ARLN: variants seen among roughly 807,000 people sequenced by gnomAD.
ARLN encodes the protein sarcoplasmic/endoplasmic reticulum calcium ATPase regulator ARLN.
At chr4:119,303,079 A>C in the ARLN span, among the ~76,000 whole-genome samples, 2 of 152,048 alleles carry the variant, frequency 1.3e-5, no homozygotes, top group Non-Finnish European at 2.9e-5. Context: ...GTTTATCTTA[A>C]ATTATTCTTT....
the ARLN span, chr4:119,300,451 C>T: frequency 6.2e-7 from 1 of 1,614,158 alleles, no homozygotes; most frequent in Non-Finnish European, 8.5e-7. Context: ...GGCCTCACAT[C>T]GAAGTTCTGC....
At chr4:119,297,470 A>T in the ARLN span, 2 of 152,240 alleles carry the variant, frequency 1.3e-5, no homozygotes, top group Non-Finnish European at 2.9e-5. Flanking sequence ...TTTTTGAGAC[A>T]GGGTCTCTGT....
the ARLN span, chr4:119,300,245 ACTCTCTGGAATTCAGTC>A: frequency 9.5e-7 from 1 of 1,048,878 alleles, no homozygotes; most frequent in South Asian, 1.5e-5. Flanking sequence ...ACATATATAA[ACTCTCTGGAATTCAGTC>A]CCCTCCCCGC....
the ARLN span, chr4:119,298,016 A>G: frequency 6.6e-6 from 1 of 152,500 alleles, no homozygotes; most frequent in African/African-American, 2.4e-5. Context: ...GTATTTAAGC[A>G]AGTTACAGAT....
chr4:119,301,265 A>T, the ARLN span, among the ~76,000 whole-genome samples: 5 of 119,762 alleles, frequency 4.2e-5, no homozygotes, highest in South Asian at 1.1e-3. Context: ...AAAAAAAAAA[A>T]ATCCAAAAAT....
At chr4:119,302,683 C>T in the ARLN span, among the ~76,000 whole-genome samples, 2 of 152,194 alleles carry the variant, frequency 1.3e-5, no homozygotes, top group African/African-American at 2.4e-5. Context: ...AAATATGCAC[C>T]AGGGACTACA....
the ARLN span, chr4:119,300,679 C>T: frequency 3.2e-6 from 5 of 1,539,944 alleles, no homozygotes; most frequent in Admixed American, 2.0e-5. Flanking sequence ...CACTCTGAAC[C>T]TACTCTTCCC....
At chr4:119,299,069 CA>C in the ARLN span, among the ~76,000 whole-genome samples, 7 of 152,102 alleles carry the variant, frequency 4.6e-5, no homozygotes, top group African/African-American at 1.7e-4. Flanking sequence ...GCCATCCTCC[CA>C]TTAATCCCTC....
the ARLN span, chr4:119,304,149 A>T: frequency 2.6e-6 from 2 of 757,678 alleles, no homozygotes; most frequent in Middle Eastern, 3.8e-4. Flanking sequence ...TCCAAATCCT[A>T]CTCATCCTTC....
At chr4:119,303,597 C>G in the ARLN span, among the ~76,000 whole-genome samples, 1 of 152,124 alleles carries the variant, frequency 6.6e-6, no homozygotes. Context: ...AAGAGTTGTA[C>G]TATCTGCTGG....
chr4:119,300,444 C>T, the ARLN span: 3 of 1,614,138 alleles, frequency 1.9e-6, no homozygotes, highest in Non-Finnish European at 1.7e-6. Flanking sequence ...AGACTGAGGC[C>T]TCACATCGAA....
chr4:119,300,671 C>T, the ARLN span: 1 of 1,547,252 alleles, frequency 6.5e-7, no homozygotes, highest in Non-Finnish European at 8.7e-7. Context: ...CCGGAATGCA[C>T]TCTGAACCTA....
chr4:119,303,299 T>C, the ARLN span, among the ~76,000 whole-genome samples: 1 of 151,078 alleles, frequency 6.6e-6, no homozygotes, highest in Non-Finnish European at 1.5e-5. Context: ...AATGGTGCGA[T>C]CTTGGCTCAC....
the ARLN span, among the ~76,000 whole-genome samples, chr4:119,301,142 C>T: frequency 6.6e-6 from 1 of 151,388 alleles, no homozygotes; most frequent in Admixed American, 6.6e-5. Flanking sequence ...GGCCGCGCCC[C>T]CCTGTAATCC....
the ARLN span, chr4:119,300,687 C>CA: frequency 3.9e-6 from 6 of 1,535,204 alleles, no homozygotes; most frequent in African/African-American, 8.2e-5. Flanking sequence ...ACCTACTCTT[C>CA]CCAGCGCGCA....
the ARLN span, chr4:119,300,730 A>G: frequency 1.3e-6 from 2 of 1,517,534 alleles, no homozygotes; most frequent in Non-Finnish European, 1.8e-6. Flanking sequence ...TGCCTCCGTG[A>G]CCGCTGGCAT....
the ARLN span, chr4:119,300,851 C>G: frequency 1.4e-6 from 2 of 1,425,856 alleles, no homozygotes; most frequent in Non-Finnish European, 1.8e-6. Flanking sequence ...AATACGTTCT[C>G]GTCCCCCTGA....
chr4:119,298,259 A>C, the ARLN span: 3 of 152,240 alleles, frequency 2.0e-5, no homozygotes, highest in African/African-American at 7.2e-5. Context: ...TTTTCATAAC[A>C]GAGTCCAACT....
At chr4:119,298,586 TA>T in the ARLN span, 2 of 466,278 alleles carry the variant, frequency 4.3e-6, no homozygotes, top group South Asian at 5.0e-5. Flanking sequence ...AGAACTTAGC[TA>T]GGAATGGGTG....
Sources: allele counts gnomAD v4.1 joint callset (sites outside exome capture counted in the v4.1 genomes callset), GRCh38; gene constraint gnomAD v4.1.1; transcripts MANE v1.5; gene names NCBI Gene and HGNC (gene_info 2026-07-23, HGNC 2026-07-21).